The following RALGAPA1 variants were observed in gnomAD, a reference collection of about 807,000 sequenced individuals.
RALGAPA1 encodes Ral GTPase activating protein catalytic subunit alpha 1.
RALGAPA1 carries 52 observed loss-of-function variants against 269.6 expected under a neutral mutation model. The observed-to-expected ratio is 0.19, with a 90% confidence interval of 0.15 to 0.24. The LOEUF is 0.24. Among genes scored for constraint, RALGAPA1 ranks in the 10% least tolerant of loss-of-function variants. The pLI is 1.00. For missense variants in RALGAPA1, 1,917 were observed against 3,013.9 expected (o/e 0.64, Z 8.52); for synonymous variants, 817 against 1,008.3 (o/e 0.81, Z 3.60).
intron 25 of RALGAPA1, 29 bp from the exon 26 acceptor site, chr14:35,671,546 A>G: frequency 7.9e-7 from 1 of 1,265,938 alleles, no homozygotes; most frequent in Non-Finnish European, 1.1e-6. Flanking sequence ...GGAAAAAAGA[A>G]TATCACATAT....
At chr14:35,639,805 G>A (rs921321184) in intron 31 of RALGAPA1, among the ~76,000 whole-genome samples, 15 of 151,994 alleles carry the variant, frequency 9.9e-5, no homozygotes, top group Admixed American at 2.0e-4. Context: ...CGGGCGTGGT[G>A]GCGGGCACCT....
chr14:35,545,298 T>C (rs1437101551), intron 41 of RALGAPA1, among the ~76,000 whole-genome samples: 2 of 152,004 alleles, frequency 1.3e-5, no homozygotes, highest in African/African-American at 2.4e-5. Flanking sequence ...TTCAAAGAAA[T>C]AGATCTGACC....
At chr14:35,769,091 A>G (rs1178993268) in intron 4 of RALGAPA1, among the ~76,000 whole-genome samples, 1 of 143,802 alleles carries the variant, frequency 7.0e-6, no homozygotes, top group African/African-American at 2.6e-5. Flanking sequence ...ATCAAAGACT[A>G]GAATGGAAAA....
chr14:35,718,734 T>G (rs971805387), intron 16 of RALGAPA1, among the ~76,000 whole-genome samples: 2 of 152,046 alleles, frequency 1.3e-5, no homozygotes, highest in African/African-American at 4.8e-5. Flanking sequence ...GAGAATTGCC[T>G]GAACCTAGAA....
chr14:35,684,851 G>T, intron 20 of RALGAPA1, 78 bp downstream of exon 20: 1 of 1,411,236 alleles, frequency 7.1e-7, no homozygotes, highest in Non-Finnish European at 9.6e-7. Flanking sequence ...GAAGGTGATG[G>T]CTACATAATC....
At chr14:35,697,465 C>A (rs896263285) in intron 17 of RALGAPA1, among the ~76,000 whole-genome samples, 2 of 152,028 alleles carry the variant, frequency 1.3e-5, no homozygotes, top group African/African-American at 4.8e-5. Context: ...CCTGCCTCAG[C>A]CTACTGAGCA....
intron 37 of RALGAPA1, among the ~76,000 whole-genome samples, chr14:35,584,749 TAAAAGAC>T (rs1258539984): frequency 6.6e-6 from 1 of 151,592 alleles, no homozygotes; most frequent in Non-Finnish European, 1.5e-5. Context: ...AGAAAAAGTA[TAAAAGAC>T]AAAAACAGGA....
At chr14:35,575,892 C>A (rs892782774) in intron 37 of RALGAPA1, among the ~76,000 whole-genome samples, 1 of 152,156 alleles carries the variant, frequency 6.6e-6, no homozygotes, top group Non-Finnish European at 1.5e-5. Context: ...CCGTGCCTGG[C>A]CCCCATTTCA....
chr14:35,806,527 C>T (rs1047942969), intron 1 of RALGAPA1, among the ~76,000 whole-genome samples: 172 of 152,164 alleles, frequency 1.1e-3, no homozygotes, highest in African/African-American at 3.9e-3. Flanking sequence ...CTTGGATTGT[C>T]CTACAGTGGG....
At chr14:35,747,214 T>C (rs1399998517) in intron 10 of RALGAPA1, among the ~76,000 whole-genome samples, 1 of 152,090 alleles carries the variant, frequency 6.6e-6, no homozygotes, top group Non-Finnish European at 1.5e-5. Context: ...AGGAGAAACA[T>C]GACTATAAAT....
At chr14:35,696,978 T>C (rs945095719) in intron 17 of RALGAPA1, among the ~76,000 whole-genome samples, 2 of 152,198 alleles carry the variant, frequency 1.3e-5, no homozygotes. Context: ...TTAAAAAGTA[T>C]GATTGGTTGA....
At chr14:35,600,217 T>A (rs1216428824) in intron 36 of RALGAPA1, among the ~76,000 whole-genome samples, 1 of 134,626 alleles carries the variant, frequency 7.4e-6, no homozygotes, top group African/African-American at 3.3e-5. Context: ...TCCTTTTTTT[T>A]CTTTTTCTTT....
At chr14:35,559,215 T>A (rs2055923587) in intron 39 of RALGAPA1, among the ~76,000 whole-genome samples, 1 of 152,184 alleles carries the variant, frequency 6.6e-6, no homozygotes, top group Admixed American at 6.5e-5. Flanking sequence ...AATTCCATTA[T>A]TATTAAAAAT....
chr14:35,653,015 C>T (rs2062946888), intron 30 of RALGAPA1, among the ~76,000 whole-genome samples: 1 of 152,086 alleles, frequency 6.6e-6, no homozygotes, highest in African/African-American at 2.4e-5. Context: ...CAGAAAAAGG[C>T]TTTACTCACT....
At chr14:35,594,235 C>T (rs1036245645) in intron 37 of RALGAPA1, among the ~76,000 whole-genome samples, 1 of 151,968 alleles carries the variant, frequency 6.6e-6, no homozygotes, top group African/African-American at 2.4e-5. Context: ...GACATCACAC[C>T]AAAAGCTCAG....
intron 4 of RALGAPA1, among the ~76,000 whole-genome samples, chr14:35,765,343 A>T (rs572933426): frequency 6.6e-6 from 1 of 152,234 alleles, no homozygotes; most frequent in South Asian, 2.1e-4. Flanking sequence ...ATAAACTTTA[A>T]GATATATTTG....
intron 28 of RALGAPA1, among the ~76,000 whole-genome samples, chr14:35,657,952 A>T (rs2063307064): frequency 6.6e-6 from 1 of 152,168 alleles, no homozygotes; most frequent in South Asian, 2.1e-4. Flanking sequence ...TAAGGCACTT[A>T]GAACAGTGCC....
chr14:35,688,245 G>A (rs2066130422), intron 18 of RALGAPA1, among the ~76,000 whole-genome samples: 1 of 152,116 alleles, frequency 6.6e-6, no homozygotes, highest in South Asian at 2.1e-4. Flanking sequence ...CAGCAAAGAG[G>A]TTTAACTAAA....
chr14:35,766,256 A>G, intron 4 of RALGAPA1: 1 of 807,072 alleles, frequency 1.2e-6, no homozygotes, highest in Admixed American at 1.7e-5. Flanking sequence ...TGGATGATGC[A>G]GCAATTGTCT....
Sources: gnomAD v4.1 joint callset for allele counts (sites outside exome capture counted in the v4.1 genomes callset) on GRCh38, gnomAD v4.1.1 for gene constraint, MANE v1.5 for transcripts, NCBI Gene and HGNC (gene_info 2026-07-23, HGNC 2026-07-21) for gene names.